EXT1: variants seen among roughly 807,000 people sequenced by gnomAD.
EXT1 encodes exostosin-1.
A neutral mutation model predicts 82.5 loss-of-function variants in EXT1; 20 were observed. The observed-to-expected ratio is 0.24, with a 90% CI of 0.17 to 0.35. The LOEUF is 0.35. Among genes scored for constraint, EXT1 ranks in the 10% least tolerant of loss-of-function variants. The pLI is 1.00. For missense variants in EXT1, 757 were observed against 936.5 expected (o/e 0.81, Z 2.50); for synonymous variants, 348 against 350.8 (o/e 0.99, Z 0.09).
chr8:118,078,710 A>G (rs1481419727), intron 1 of EXT1, among the ~76,000 whole-genome samples: 1 of 152,192 alleles, frequency 6.6e-6, no homozygotes, highest in East Asian at 1.9e-4. Context: ...ATGTTGGGAA[A>G]TTTTAAATTG....
chr8:117,861,369 A>T (rs1393022564), intron 1 of EXT1, among the ~76,000 whole-genome samples: 2 of 152,232 alleles, frequency 1.3e-5, no homozygotes, highest in Non-Finnish European at 2.9e-5. Context: ...AAGTAAGCCA[A>T]TAAAGTCTAT....
At chr8:117,926,737 G>T (rs1047331448) in intron 1 of EXT1, among the ~76,000 whole-genome samples, 2 of 152,158 alleles carry the variant, frequency 1.3e-5, no homozygotes, top group Non-Finnish European at 2.9e-5. Flanking sequence ...CAGCATCAAA[G>T]ATTCAGACCC....
chr8:117,824,855 TTTTTTGTTTTTG>T (rs545929218), intron 4 of EXT1, among the ~76,000 whole-genome samples: 20 of 152,056 alleles, frequency 1.3e-4, no homozygotes, highest in African/African-American at 3.6e-4. Context: ...TTCTTTTTCT[TTTTTTGTTTTTG>T]TTTTTGTTTT....
chr8:118,070,345 C>T lies in EXT1; in HGVS notation c.962+39740G>A, dbSNP rs536006204. Among the ~76,000 whole-genome samples the T allele has an allele frequency of 5.4e-5, 8 of 149,240 alleles. No individual in the cohort carries two copies. The South Asian group carries it at 1.7e-3, about 32-fold the overall frequency. Reference sequence around the variant, plus strand: ...AAACATACAGTTATTTAAAAAAAATCCTCCCAAAGTATGAAAGTTCCTTAT... The same window carrying T: ...AAACATACAGTTATTTAAAAAAAATTCTCCCAAAGTATGAAAGTTCCTTAT... On this transcript the variant is annotated intron_variant, in intron 1 of 10. Transcript: ENST00000378204.
chr8:117,961,046 C>G (rs191662805), intron 1 of EXT1, among the ~76,000 whole-genome samples: 1 of 152,220 alleles, frequency 6.6e-6, no homozygotes, highest in Admixed American at 6.5e-5. Flanking sequence ...GGCAAATGGT[C>G]GTTTACTTTG....
chr8:117,948,110 T>G (rs921927848), intron 1 of EXT1, among the ~76,000 whole-genome samples: 2 of 152,072 alleles, frequency 1.3e-5, no homozygotes, highest in African/African-American at 4.8e-5. Flanking sequence ...CAAAAAAGAT[T>G]TAAGGTAGCT....
At chr8:118,006,913 T>C (rs947624043) in intron 1 of EXT1, among the ~76,000 whole-genome samples, 1 of 152,182 alleles carries the variant, frequency 6.6e-6, no homozygotes, top group African/African-American at 2.4e-5. Context: ...GGCTGCCAAA[T>C]CTTCCATTTT....
At chr8:117,902,384 A>G (rs1813465917) in intron 1 of EXT1, among the ~76,000 whole-genome samples, 1 of 152,216 alleles carries the variant, frequency 6.6e-6, no homozygotes, top group Non-Finnish European at 1.5e-5. Flanking sequence ...ACATAATTGT[A>G]TGTGCTATAC....
chr8:117,985,515 A>G (rs1006685012), intron 1 of EXT1, among the ~76,000 whole-genome samples: 14 of 152,348 alleles, frequency 9.2e-5, no homozygotes, highest in Non-Finnish European at 1.0e-4. Context: ...AATAGCCACA[A>G]GGAAAGGTGC....
chr8:117,932,840 G>C (rs1489743141), intron 1 of EXT1, among the ~76,000 whole-genome samples: 1 of 152,146 alleles, frequency 6.6e-6, no homozygotes, highest in Non-Finnish European at 1.5e-5. Context: ...TCCATCCAAG[G>C]ATAGCCAAAC....
In EXT1 at chr8:118,010,004, AAAAC is replaced by A. The variant is rs576477225; in HGVS notation, c.962+100077_962+100080del. Among the ~76,000 whole-genome samples, 363 of 152,326 alleles carry A rather than the reference AAAAC, an allele frequency of 2.4e-3. 1 individual carries two copies. The highest frequency in any genetic ancestry group is 4.6e-3 in the Non-Finnish European group (310 of 68,026). On this transcript the variant is annotated intron_variant, in intron 1 of 10. Transcript: ENST00000378204. ...CTAACAGGTAGGCTAAAGAGCTAAT[AAAAC>A]CAAATCCCTGAGCTCAGATAAAAAG...
chr8:117,984,731 A>C (rs1449976940), intron 1 of EXT1, among the ~76,000 whole-genome samples: 1 of 152,138 alleles, frequency 6.6e-6, no homozygotes, highest in Non-Finnish European at 1.5e-5. Context: ...GCACATTCTG[A>C]AGGCCTGATG....
intron 1 of EXT1, among the ~76,000 whole-genome samples, chr8:117,928,103 A>G (rs949943658): frequency 2.6e-5 from 4 of 152,176 alleles, no homozygotes; most frequent in Admixed American, 2.6e-4. Context: ...CATACCCTTT[A>G]TCATACATAT....
At chr8:117,947,626 A>ATTT (rs1814414977) in intron 1 of EXT1, among the ~76,000 whole-genome samples, 2 of 152,230 alleles carry the variant, frequency 1.3e-5, no homozygotes, top group Middle Eastern at 6.3e-3. Context: ...ACTTGCAACA[A>ATTT]TGTGAGATTA....
rs535960578 is a variant in EXT1 at position 117,803,714 on chromosome 8, T to G, written c.2055+1008A>C. ...TAAATTCACTAGGTCCTAGTTTTCT[T>G]ACTTATAAAAAGAAAATGTTGGATT... On this transcript the variant is annotated intron_variant, in intron 10 of 10. Transcript: ENST00000378204. Among the ~76,000 whole-genome samples, 128 of 152,346 alleles carry G rather than the reference T, an allele frequency of 8.4e-4. 1 individual carries two copies. The highest frequency in any genetic ancestry group is 3.0e-3 in the African/African-American group (126 of 41,588).
intron 1 of EXT1, among the ~76,000 whole-genome samples, chr8:118,000,304 C>T (rs1207199732): frequency 6.6e-6 from 1 of 152,078 alleles, no homozygotes; most frequent in Non-Finnish European, 1.5e-5. Flanking sequence ...CAGATATCTA[C>T]AGAGGTTTCA....
intron 1 of EXT1, among the ~76,000 whole-genome samples, chr8:117,942,538 C>T (rs1057176877): frequency 1.2e-4 from 18 of 152,036 alleles, no homozygotes; most frequent in Non-Finnish European, 2.5e-4. Flanking sequence ...ATGGAGAAAG[C>T]CCATCTCTAC....
intron 1 of EXT1, among the ~76,000 whole-genome samples, chr8:117,846,771 G>A (rs888129272): frequency 2.0e-4 from 31 of 152,150 alleles, no homozygotes; most frequent in African/African-American, 7.5e-4. Context: ...ACAGCAGCCC[G>A]AGAAGACCAG....
intron 1 of EXT1, among the ~76,000 whole-genome samples, chr8:117,951,000 A>G (rs1291259965): frequency 6.6e-6 from 1 of 152,230 alleles, no homozygotes; most frequent in African/African-American, 2.4e-5. Context: ...TTGGACCCCA[A>G]ATAAGATAAG....
Sources: gnomAD v4.1 joint callset for allele counts (sites outside exome capture counted in the v4.1 genomes callset) on GRCh38, gnomAD v4.1.1 for gene constraint, MANE v1.5 for transcripts, NCBI Gene and HGNC (gene_info 2026-07-23, HGNC 2026-07-21) for gene names.